Variants in USP19 observed in about 807,000 individuals in gnomAD.
USP19 encodes the protein ubiquitin carboxyl-terminal hydrolase 19.
USP19 carries 40 observed loss-of-function variants against 144.8 expected under a neutral mutation model. The ratio of observed to expected loss-of-function variants is 0.28; its 90% confidence interval spans 0.21 to 0.36. The LOEUF is 0.36. Ranked by LOEUF, USP19 falls within the 10% of genes least tolerant of loss-of-function variation. The pLI is 1.00. For missense variants in USP19, 1,518 were observed against 1,822.5 expected (o/e 0.83, Z 3.04); for synonymous variants, 701 against 709.3 (o/e 0.99, Z 0.19).
In USP19 at chr3:49,111,431, T is replaced by G; in HGVS notation, c.3218-66A>C. 6.2e-7 allele frequency: 1 copy of G among 1,613,394 alleles called. No individual in the cohort carries two copies. The highest frequency in any genetic ancestry group is 2.2e-5 in the East Asian group (1 of 44,874). ...GGGCCTCACCAGGCCCACCAGGCCC[T>G]AAACAACAGCCCCCTCCATCCTCCC... On this transcript the variant is annotated intron_variant, in intron 21 of 26. Transcript: ENST00000417901. This position sits in a 1 kb window ranked among gnomAD's most constrained non-coding sequence, Gnocchi z 5.9.
In USP19 at chr3:49,111,854, C is replaced by A; in HGVS notation, c.2904-41G>T. On this transcript the variant is annotated intron_variant, in intron 20 of 26. Transcript: ENST00000417901. The surrounding 1 kb of genome is among the most constrained non-coding windows in gnomAD (Gnocchi z 5.9). Reference sequence around the variant, plus strand: ...AACGCAAGTAAGACTCCTGACCAGCCCATCTAGCACCTCTGCCCCCACCTA... The same window carrying A: ...AACGCAAGTAAGACTCCTGACCAGCACATCTAGCACCTCTGCCCCCACCTA... The A allele has an allele frequency of 6.3e-7, 1 of 1,598,494 alleles. No homozygotes were observed. The highest frequency in any genetic ancestry group is 8.5e-7 in the Non-Finnish European group (1 of 1,170,870).
intron 1 of USP19, among the ~76,000 whole-genome samples, chr3:49,120,042 C>G (rs545848092): frequency 6.6e-6 from 1 of 152,194 alleles, no homozygotes; most frequent in Non-Finnish European, 1.5e-5. Flanking sequence ...TGCCTTCACT[C>G]ATGAGCTCTG....
Position 49,116,963 on chromosome 3 carries a change from G to A in USP19, c.910-20C>T. On this transcript the variant is annotated intron_variant, in intron 6 of 26. Coordinates refer to ENST00000417901, the MANE Select transcript of USP19 (RefSeq NM_001199161.2). The surrounding 1 kb of genome is among the most constrained non-coding windows in gnomAD (Gnocchi z 5.0). ...CTCAACCTATTAATGGCAAGATTGTGGAAAGAATCAGCCCTGGGTCTGCCA... is the reference window on the plus strand; with the variant it reads ...CTCAACCTATTAATGGCAAGATTGTAGAAAGAATCAGCCCTGGGTCTGCCA... The A allele has an allele frequency of 6.2e-7, 1 of 1,609,486 alleles. No individual in the cohort carries two copies. Among genetic ancestry groups the A allele is most frequent in the Non-Finnish European group, 8.5e-7 (1 of 1,177,488 alleles).
Position 49,108,629 on chromosome 3 carries a change from A to C in USP19, c.4039-101T>G. The C allele has an allele frequency of 1.6e-6, 2 of 1,263,110 alleles. No individual in the cohort carries two copies. The highest frequency in any genetic ancestry group is 2.0e-6 in the Non-Finnish European group (2 of 999,580). 78.2% of individuals were successfully genotyped at this position (1,263,110 alleles called of 1,614,324 possible). ...GCCCTGGCACCCAAGGGAGGGTCCC[A>C]AGGCAGGCGCAGACAGCAGCGGCGT... On this transcript the variant is annotated intron_variant, in intron 26 of 26. Transcript: ENST00000417901. The surrounding 1 kb of genome is among the most constrained non-coding windows in gnomAD (Gnocchi z 4.8).
chr3:49,117,683 T>C lies in USP19; in HGVS notation c.446A>G (p.Asp149Gly). The C allele has an allele frequency of 6.2e-7, 1 of 1,614,176 alleles. No individual in the cohort carries two copies. The highest frequency in any genetic ancestry group is 8.5e-7 in the Non-Finnish European group (1 of 1,180,028). Reference sequence around the variant, plus strand: ...TGCAAACCGCACCACACAGTCTGTATCTGTGAAAGCAGCATCTACATCCTC... The same window carrying C: ...TGCAAACCGCACCACACAGTCTGTACCTGTGAAAGCAGCATCTACATCCTC... ...QLEDVDAAFT[D>G]TDCVVRFAGG... Residue 149 changes from aspartate to glycine, a missense_variant, in exon 4 of 27, where the codon GAT becomes GGT. Transcript: ENST00000417901. The surrounding 1 kb of genome is among the most constrained non-coding windows in gnomAD (Gnocchi z 4.4).
chr3:49,119,508 G>A (rs568804707), intron 1 of USP19, among the ~76,000 whole-genome samples: 14 of 152,334 alleles, frequency 9.2e-5, no homozygotes, highest in East Asian at 3.9e-4. Flanking sequence ...TCCCACACAG[G>A]TGAAAGCCTC....
At position 49,112,237 on chromosome 3, in the gene USP19, C is replaced by T. The variant is rs1394035724; in HGVS notation, c.2765+47G>A. On this transcript the variant is annotated intron_variant, in intron 19 of 26. Coordinates refer to ENST00000417901, the MANE Select transcript of USP19 (RefSeq NM_001199161.2). The surrounding 1 kb of genome is among the most constrained non-coding windows in gnomAD (Gnocchi z 4.9). Reference sequence around the variant, plus strand: ...TGTGAAGGGAAGGAGCAGGGTGGCACATGGAAGGTGGAAAGAAAGGGTAGG... The same window carrying T: ...TGTGAAGGGAAGGAGCAGGGTGGCATATGGAAGGTGGAAAGAAAGGGTAGG... 1 of 1,570,558 alleles carries T rather than the reference C, an allele frequency of 6.4e-7. No homozygotes were observed. Among genetic ancestry groups the T allele is most frequent in the Admixed American group, 1.9e-5 (1 of 53,006 alleles).
chr3:49,119,434 TAATA>T (rs763654772), intron 1 of USP19, 153 bp from the exon 2 acceptor site: 6 of 313,082 alleles, frequency 1.9e-5, no homozygotes, highest in Non-Finnish European at 2.9e-5. Flanking sequence ...TCTGAAGAGG[TAATA>T]AATAATGCAA....
In USP19 at chr3:49,111,719, A is replaced by G; in HGVS notation, c.2998T>C (p.Ser1000Pro). Residue 1000 changes from serine to proline, a missense_variant, in exon 21 of 27, where the codon TCC becomes CCC. Physicochemically the swap from Ser to Pro is moderately conservative, Grantham distance 74. Around this residue, in one of 5 missense-constraint regions of USP19, gnomAD observed 413 missense variants for 515.8 expected, o/e 0.80. Transcript: ENST00000417901. This position sits in a 1 kb window ranked among gnomAD's most constrained non-coding sequence, Gnocchi z 5.9. ...CTCTCGCTGTCCCCAGCCTCCAGGG[A>G]ACCTGTGGAGAGCAGTGTGGTGCAG... ...PGCTTLLSTG[S>P]LEAGDSERDP... The G allele has an allele frequency of 8.2e-6, 13 of 1,584,984 alleles. No individual in the cohort carries two copies. Among genetic ancestry groups the G allele is most frequent in the Non-Finnish European group, 1.1e-5 (13 of 1,164,544 alleles).
rs1575431901 is a variant in USP19 at position 49,111,106 on chromosome 3, T to G, written c.3389A>C (p.Glu1130Ala). 6.2e-7 allele frequency: 1 copy of G among 1,613,892 alleles called. No individual in the cohort carries two copies. Among genetic ancestry groups the G allele is most frequent in the Non-Finnish European group, 8.5e-7 (1 of 1,180,024 alleles). The change falls in exon 23 of 27, where the codon GAG becomes GCG. Residue 1130 changes from glutamate to alanine, a missense_variant. Transcript: ENST00000417901. This position sits in a 1 kb window ranked among gnomAD's most constrained non-coding sequence, Gnocchi z 5.9. ...CSLALVWRNN[E>A]RLQEFVLVAS... Reference sequence around the variant, plus strand: ...TACCAACACAAACTCCTGCAAGCGCTCATTGTTCCGCCAGACGAGAGCCAG... The same window carrying G: ...TACCAACACAAACTCCTGCAAGCGCGCATTGTTCCGCCAGACGAGAGCCAG...
rs2043837069 is a variant in USP19, at chr3:49,114,971, C to T, written c.2169G>A (p.Gly723=). The T allele has an allele frequency of 1.9e-6, 3 of 1,614,196 alleles. No individual in the cohort carries two copies. The highest frequency in any genetic ancestry group is 1.6e-4 in the Middle Eastern group (1 of 6,062). Residue 723 remains glycine (G), a synonymous_variant, in exon 14 of 27, where the codon GGG becomes GGA. Coordinates refer to ENST00000417901, the MANE Select transcript of USP19 (RefSeq NM_001199161.2). This position sits in a 1 kb window ranked among gnomAD's most constrained non-coding sequence, Gnocchi z 4.5. ...CCCTAACCCTGACCTCATCGGGCCGCCCATCTGAATCCACGGTCTCTGTGT... is the reference window on the plus strand; with the variant it reads ...CCCTAACCCTGACCTCATCGGGCCGTCCATCTGAATCCACGGTCTCTGTGT... ...KPYTETVDSD[G]RPDEVVAEEA...
At chr3:49,118,266 T>TAAA (rs541189590) in intron 2 of USP19, 146 bp from the exon 3 acceptor site, 20 of 217,126 alleles carry the variant, frequency 9.2e-5, no homozygotes, top group South Asian at 5.3e-4. Context: ...ACCCTGCCTT[T>TAAA]AAAAAAAAAA....
Position 49,116,092 on chromosome 3 carries a change from T to G in USP19, c.1426A>C (p.Arg476=), listed in dbSNP as rs777052736. The G allele has an allele frequency of 3.1e-6, 5 of 1,612,630 alleles. No individual in the cohort carries two copies. In the East Asian group the frequency reaches 8.9e-5, roughly 29 times the overall value. ...ASRIDICLRK[R]QSQRWGGLEA... ...AGGCCCCCCCAGCGCTGACTCTGCC[T>G]CTTACGAAGGCAGATGTCGATGCGA... The change falls in exon 10 of 27, where the codon AGG becomes CGG. Residue 476 remains arginine (R), a synonymous_variant. Transcript: ENST00000417901. This position sits in a 1 kb window ranked among gnomAD's most constrained non-coding sequence, Gnocchi z 5.0.
Position 49,116,212 on chromosome 3 carries a change from T to G in USP19, c.1356-50A>C. On this transcript the variant is annotated intron_variant, in intron 9 of 26. Coordinates refer to ENST00000417901, the MANE Select transcript of USP19 (RefSeq NM_001199161.2). This position sits in a 1 kb window ranked among gnomAD's most constrained non-coding sequence, Gnocchi z 5.0. ...GACTTAGGAGGAATGAGCATCAGGA[T>G]AGATGAGCCAGGGAGATGGAGCCCA... is the stretch of plus-strand genomic sequence containing the variant. 1 of 1,613,688 alleles carries G rather than the reference T, an allele frequency of 6.2e-7. No homozygotes were observed. Among genetic ancestry groups the G allele is most frequent in the Non-Finnish European group, 8.5e-7 (1 of 1,179,852 alleles).
At position 49,110,695 on chromosome 3, in the gene USP19, A is replaced by C. The variant is rs1407984625; in HGVS notation, c.3698+16T>G. On this transcript the variant is annotated intron_variant, in intron 24 of 26. Coordinates refer to ENST00000417901, the MANE Select transcript of USP19 (RefSeq NM_001199161.2). The surrounding 1 kb of genome is among the most constrained non-coding windows in gnomAD (Gnocchi z 6.1). ...TCCTCACACCCCACCCACAGTTACC[A>C]AGGTCCACTGCTTACCTAACAGGGA... 6.2e-7 allele frequency: 1 copy of C among 1,613,050 alleles called. No homozygotes were observed. The highest frequency in any genetic ancestry group is 8.5e-7 in the Non-Finnish European group (1 of 1,179,308).
At chr3:49,119,314 A>AC (rs775327898) in intron 1 of USP19, 33 bp from the exon 2 acceptor site, 5 of 852,412 alleles carry the variant, frequency 5.9e-6, no homozygotes, top group Non-Finnish European at 8.7e-6. Flanking sequence ...CACTGCCAAG[A>AC]CCCAACAACT....
At position 49,116,400 on chromosome 3, in the gene USP19, G is replaced by A. The variant is rs781767800; in HGVS notation, c.1284-49C>T. 6 of 1,614,038 alleles carry A rather than the reference G, an allele frequency of 3.7e-6. No individual in the cohort carries two copies. The highest frequency in any genetic ancestry group is 5.1e-6 in the Non-Finnish European group (6 of 1,179,932). On this transcript the variant is annotated intron_variant, in intron 8 of 26. Coordinates refer to ENST00000417901, the MANE Select transcript of USP19 (RefSeq NM_001199161.2). The surrounding 1 kb of genome is among the most constrained non-coding windows in gnomAD (Gnocchi z 5.0). ...AGGAAGGACAAGAGGAAGAGCATGA[G>A]ACATACTGTCCCACCTGAGGCATTG...
At chr3:49,118,888 A>G (rs2044652472) in intron 2 of USP19, 134 bp downstream of exon 2, 2 of 1,385,476 alleles carry the variant, frequency 1.4e-6, no homozygotes, top group South Asian at 1.4e-5. Context: ...TGAGGTTATC[A>G]TGGGTCCTTC....
In USP19 at chr3:49,114,406, C is replaced by T. The variant is rs2043733324; in HGVS notation, c.2293-122G>A. The stretch of plus-strand genomic sequence containing the variant: ...AGGGCCCCCACAGCCAACCAGCAAA[C>T]TCTCAGGCTTCAGGACACTAGACAG... On this transcript the variant is annotated intron_variant, in intron 15 of 26. Coordinates refer to ENST00000417901, the MANE Select transcript of USP19 (RefSeq NM_001199161.2). This position sits in a 1 kb window ranked among gnomAD's most constrained non-coding sequence, Gnocchi z 4.5. 2.6e-5 allele frequency: 23 copies of T among 868,936 alleles called. No individual in the cohort carries two copies. In the South Asian group the frequency reaches 3.7e-4, roughly 14 times the overall value. The allele number at this position is 868,936 out of a possible 1,614,324, so 53.8% of individuals were successfully genotyped here.
Sources: gnomAD v4.1 joint callset for allele counts (sites outside exome capture counted in the v4.1 genomes callset) on GRCh38, gnomAD v4.1.1 for gene constraint, gnomAD v4.1.1 regional missense constraint, Gnocchi (gnomAD v3.1) non-coding constraint, MANE v1.5 for transcripts, NCBI Gene and HGNC (gene_info 2026-07-23, HGNC 2026-07-21) for gene names.